The following RNF217 variants were observed in gnomAD, a reference collection of about 807,000 sequenced individuals.
The protein encoded by RNF217 is E3 ubiquitin-protein ligase RNF217.
A neutral mutation model predicts 57.8 loss-of-function variants in RNF217; 31 were observed. The ratio of observed to expected loss-of-function variants is 0.54; its 90% CI spans 0.40 to 0.72. The LOEUF is 0.72. Among genes scored for constraint, RNF217 ranks in the 30% least tolerant of loss-of-function variants. The probability of loss-of-function intolerance (pLI) is 0.00; values close to 1 mark genes in which losing one functional copy is unlikely to be tolerated. For missense variants in RNF217, 696 were observed against 708.3 expected, an observed-to-expected ratio of 0.98 and a Z score of 0.20; for synonymous variants, 313 against 294.0, an observed-to-expected ratio of 1.06 and a Z score of -0.66.
At chr6:125,003,572 T>G (rs1785063211) in intron 1 of RNF217, among the ~76,000 whole-genome samples, 1 of 152,198 alleles carries the variant, frequency 6.6e-6, no homozygotes, top group Non-Finnish European at 1.5e-5. Flanking sequence ...ATTTATATTT[T>G]AAAATTGCTG....
At chr6:125,078,920 T>C (rs1022813002) in intron 4 of RNF217, among the ~76,000 whole-genome samples, 19 of 152,134 alleles carry the variant, frequency 1.2e-4, no homozygotes, top group Non-Finnish European at 2.2e-4. Context: ...AATGTTGTAA[T>C]TTACAAAGTT....
chr6:125,069,729 A>G (rs1452623580), intron 3 of RNF217, among the ~76,000 whole-genome samples: 2 of 152,222 alleles, frequency 1.3e-5, no homozygotes, highest in Admixed American at 6.5e-5. Context: ...TGCTTTCCAC[A>G]GTGATTGAAC....
At chr6:125,024,055 C>T (rs1664810632) in intron 1 of RNF217, among the ~76,000 whole-genome samples, 1 of 152,002 alleles carries the variant, frequency 6.6e-6, no homozygotes. Flanking sequence ...TGAAAATTGC[C>T]AAGAGAGTAG....
At chr6:124,975,719 G>A (rs931702049) in intron 1 of RNF217, among the ~76,000 whole-genome samples, 5 of 151,964 alleles carry the variant, frequency 3.3e-5, no homozygotes, top group African/African-American at 1.2e-4. Flanking sequence ...TTACAAGTGT[G>A]AGCCACTGCA....
chr6:125,000,760 A>T (rs1016692010), intron 1 of RNF217, among the ~76,000 whole-genome samples: 3 of 152,128 alleles, frequency 2.0e-5, no homozygotes, highest in African/African-American at 7.2e-5. Context: ...AACTAAGTTC[A>T]TAGTCTAGCA....
intron 1 of RNF217, among the ~76,000 whole-genome samples, chr6:125,001,694 A>G (rs1307015887): frequency 6.6e-6 from 1 of 152,238 alleles, no homozygotes; most frequent in Non-Finnish European, 1.5e-5. Context: ...AATTTTGAAC[A>G]AAGTATAGGA....
intron 1 of RNF217, among the ~76,000 whole-genome samples, chr6:125,005,213 T>C (rs975628570): frequency 6.6e-5 from 10 of 152,214 alleles, no homozygotes; most frequent in African/African-American, 2.4e-4. Context: ...CAGGCCTGTA[T>C]GTTAGGTTTA....
intron 1 of RNF217, among the ~76,000 whole-genome samples, chr6:125,016,401 G>A (rs1161818692): frequency 1.3e-5 from 2 of 152,064 alleles, no homozygotes; most frequent in Non-Finnish European, 2.9e-5. Context: ...GTTTTGAATT[G>A]AGCCATGACT....
intron 2 of RNF217, among the ~76,000 whole-genome samples, chr6:125,050,157 G>A (rs79414219): frequency 0.015 from 2,257 of 152,014 alleles, 52 homozygotes; most frequent in African/African-American, 0.051. Context: ...GCAATTCTGG[G>A]TTTCATTCTT....
In RNF217 at chr6:125,085,990, C is replaced by G. The variant is rs1044182464; in HGVS notation, c.*3053C>G. On this transcript the variant is annotated 3_prime_UTR_variant, in exon 6 of 6. Transcript: ENST00000521654. ...TACTTTAACTTATTGAATTAGTCCC[C>G]TGTTGAATGGACTACAAGATTATTT... 2.0e-5 allele frequency: 3 copies of G among 151,870 alleles called. No homozygotes were observed. Among genetic ancestry groups the G allele is most frequent in the Admixed American group, 2.0e-4 (3 of 15,216 alleles). 9.4% of individuals were successfully genotyped at this position (151,870 alleles called of 1,614,324 possible). A position where few individuals can be genotyped will look rare whatever the true frequency, so the allele number is the denominator to read the frequency against.
chr6:125,067,438 G>A (rs1334702807), intron 3 of RNF217, among the ~76,000 whole-genome samples: 2 of 152,144 alleles, frequency 1.3e-5, no homozygotes, highest in Non-Finnish European at 2.9e-5. Flanking sequence ...AACTAGGCCA[G>A]TTGTCAAAGG....
rs147051384 is a variant in RNF217, at chr6:125,049,851, G to A, written c.1116+4407G>A. On this transcript the variant is annotated intron_variant, in intron 2 of 5. Coordinates refer to ENST00000521654, the MANE Select transcript of RNF217 (RefSeq NM_001286398.3). ...GGTAAAATTGACTATGTCTGGAAGA[G>A]GAGGAGCAGGTTTGGGAAATGGAAA... Among the ~76,000 whole-genome samples, 373 of 151,922 alleles carry A rather than the reference G, an allele frequency of 2.5e-3. 2 individuals carry two copies. Among genetic ancestry groups the A allele is most frequent in the African/African-American group, 8.4e-3 (349 of 41,484 alleles).
intron 1 of RNF217, among the ~76,000 whole-genome samples, chr6:125,029,132 C>A (rs1252906857): frequency 1.3e-5 from 2 of 152,134 alleles, no homozygotes; most frequent in Non-Finnish European, 2.9e-5. Flanking sequence ...AACCTAATTA[C>A]AAACTTTGCA....
chr6:125,013,238 T>C (rs1035536844), intron 1 of RNF217, among the ~76,000 whole-genome samples: 3 of 152,084 alleles, frequency 2.0e-5, no homozygotes, highest in South Asian at 4.2e-4. Flanking sequence ...TAAACAAATA[T>C]ACATAACAGG....
intron 1 of RNF217, among the ~76,000 whole-genome samples, chr6:124,985,838 A>T (rs1366862184): frequency 6.6e-6 from 1 of 152,322 alleles, no homozygotes; most frequent in East Asian, 1.9e-4. Flanking sequence ...AGAATGATAA[A>T]ATATTAACAT....
chr6:125,012,386 C>T (rs1040791596), intron 1 of RNF217, among the ~76,000 whole-genome samples: 4 of 152,022 alleles, frequency 2.6e-5, no homozygotes, highest in South Asian at 2.1e-4. Context: ...AAAGGTACTC[C>T]GTCATGTCTA....
In RNF217 at chr6:125,045,220, G is replaced by A. The variant is rs1422442776; in HGVS notation, c.892G>A (p.Gly298Ser). ...KVYLSAQVQL[G>S]QVEIKCPITE... is the part of the protein sequence containing the mutation. ...CTCTTCCATCATGCAGGTACAACTT[G>A]GCCAAGTAGAAATCAAATGCCCCAT... Residue 298 changes from glycine (G) to serine (S), a missense_variant, in exon 2 of 6, where the codon GGC becomes AGC. Physicochemically the swap from Gly to Ser is moderately conservative, Grantham distance 56. Around this residue, in one of 2 missense-constraint regions of RNF217, gnomAD observed 231 missense variants for 321.4 expected, o/e 0.72. Coordinates refer to ENST00000521654, the MANE Select transcript of RNF217 (RefSeq NM_001286398.3). 5.0e-6 allele frequency: 8 copies of A among 1,610,680 alleles called. No homozygotes were observed. The highest frequency in any genetic ancestry group is 6.8e-6 in the Non-Finnish European group (8 of 1,178,032).
At position 124,962,782 on chromosome 6, in the gene RNF217, A is replaced by G. The variant is rs1374440459; in HGVS notation, c.238A>G (p.Lys80Glu). ...ARSLGPPGWS[K>E]SRAPAQPAGL... ...GAGCCTGGGGCCCCCGGGCTGGAGT[A>G]AGAGCCGAGCACCGGCGCAGCCTGC... The change falls in exon 1 of 6, where the codon AAG becomes GAG. Residue 80 changes from lysine (K) to glutamate (E), a missense_variant. Coordinates refer to ENST00000521654, the MANE Select transcript of RNF217 (RefSeq NM_001286398.3). This position sits in a 1 kb window ranked among gnomAD's most constrained non-coding sequence, Gnocchi z 4.6. 3 of 1,596,526 alleles carry G rather than the reference A, an allele frequency of 1.9e-6. No homozygotes were observed. The highest frequency in any genetic ancestry group is 1.7e-5 in the Admixed American group (1 of 59,958).
At chr6:124,989,741 C>A (rs1784486575) in intron 1 of RNF217, among the ~76,000 whole-genome samples, 2 of 151,940 alleles carry the variant, frequency 1.3e-5, no homozygotes, top group Admixed American at 6.6e-5. Flanking sequence ...CTGTACCAAA[C>A]AGGCAGCAGG....
Sources: allele counts gnomAD v4.1 joint callset (sites outside exome capture counted in the v4.1 genomes callset), GRCh38; gene constraint gnomAD v4.1.1; regional missense constraint gnomAD v4.1.1; non-coding constraint Gnocchi (gnomAD v3.1); transcripts MANE v1.5; gene names NCBI Gene and HGNC (gene_info 2026-07-23, HGNC 2026-07-21).